The following ITPR1 variants were observed in gnomAD, a reference collection of about 807,000 sequenced individuals.
The protein encoded by ITPR1 is inositol 1,4,5-trisphosphate receptor type 1.
Under a neutral mutation model 318.4 loss-of-function variants are expected in ITPR1, and 96 were observed. The ratio of observed to expected loss-of-function variants is 0.30; its 90% confidence interval spans 0.26 to 0.36. The LOEUF (loss-of-function observed/expected upper bound fraction) is 0.36. ITPR1 is among the 10% of genes least tolerant of loss of function. ITPR1 has a pLI of 1.00. For synonymous variants in ITPR1, 1,312 were observed against 1,289.9 expected (o/e 1.02, Z -0.37); for missense variants, 2,440 against 3,460.2 (o/e 0.71, Z 7.40).
chr3:4,787,337 C>CAAAAAAAA (rs71053443), intron 51 of ITPR1, among the ~76,000 whole-genome samples: 20 of 51,346 alleles, frequency 3.9e-4, no homozygotes, highest in Non-Finnish European at 4.5e-4. Flanking sequence ...GACTCCATCT[C>CAAAAAAAA]AAAAAAAAAA....
At chr3:4,733,435 A>G (rs775927026) in intron 43 of ITPR1, among the ~76,000 whole-genome samples, 3 of 152,116 alleles carry the variant, frequency 2.0e-5, no homozygotes, top group Non-Finnish European at 4.4e-5. Context: ...GATGGTGGCT[A>G]AGCCTTTTGC....
intron 20 of ITPR1, among the ~76,000 whole-genome samples, chr3:4,672,774 C>A (rs1051117547): frequency 6.6e-5 from 10 of 152,158 alleles, no homozygotes; most frequent in Non-Finnish European, 1.3e-4. Context: ...GTATAAAACA[C>A]AGCTGAAGGG....
intron 4 of ITPR1, among the ~76,000 whole-genome samples, chr3:4,557,718 C>T (rs2086269487): frequency 6.6e-6 from 1 of 152,084 alleles, no homozygotes; most frequent in African/African-American, 2.4e-5. Flanking sequence ...ATTATTTTTG[C>T]AGATTTTATA....
At chr3:4,830,185 G>A (rs971470610) in intron 60 of ITPR1, among the ~76,000 whole-genome samples, 4 of 151,528 alleles carry the variant, frequency 2.6e-5, no homozygotes, top group South Asian at 2.1e-4. Context: ...TATGTTGGCC[G>A]GGTTGGTCTC....
intron 4 of ITPR1, among the ~76,000 whole-genome samples, chr3:4,602,733 C>T (rs773099102): frequency 6.6e-6 from 1 of 152,046 alleles, no homozygotes; most frequent in Non-Finnish European, 1.5e-5. Flanking sequence ...TTGCAAACCT[C>T]GTGCTAAGTG....
At position 4,663,159 on chromosome 3, in the gene ITPR1, A is replaced by G. The variant is rs1336205408; in HGVS notation, c.1507A>G (p.Asn503Asp). The G allele has an allele frequency of 1.2e-6, 2 of 1,613,794 alleles. No homozygotes were observed. The highest frequency in any genetic ancestry group is 1.7e-5 in the Admixed American group (1 of 60,006). ...TCTCGAAGTTGTCTTCTCCAAGCCC[A>G]ACAGAGAACGGCAGAAACTGATGAG... ...DVLEVVFSKP[N>D]RERQKLMREQ... The change falls in exon 16 of 62, where the codon AAC becomes GAC. Residue 503 changes from asparagine to aspartate, a missense_variant. By Grantham distance (23) the Asn-to-Asp change is conservative. Coordinates refer to ENST00000649015, the MANE Select transcript of ITPR1 (RefSeq NM_001378452.1).
intron 44 of ITPR1, among the ~76,000 whole-genome samples, chr3:4,744,851 C>T (rs1352789365): frequency 1.3e-5 from 2 of 152,102 alleles, no homozygotes; most frequent in Non-Finnish European, 2.9e-5. Flanking sequence ...TTCAGGGAAA[C>T]AGGCTGGGGC....
chr3:4,725,936 A>G (rs1253108422), intron 41 of ITPR1, among the ~76,000 whole-genome samples: 1 of 152,232 alleles, frequency 6.6e-6, no homozygotes, highest in Non-Finnish European at 1.5e-5. Flanking sequence ...TGCAGAGATG[A>G]TGCACTTTTG....
At chr3:4,666,270 G>A (rs554561760) in intron 17 of ITPR1, among the ~76,000 whole-genome samples, 8 of 152,222 alleles carry the variant, frequency 5.3e-5, no homozygotes, top group Admixed American at 4.6e-4. Context: ...AAAGGTTTTT[G>A]TCATGTCATC....
At chr3:4,549,231 A>G (rs961259668) in intron 4 of ITPR1, among the ~76,000 whole-genome samples, 3 of 152,348 alleles carry the variant, frequency 2.0e-5, no homozygotes, top group East Asian at 3.9e-4. Flanking sequence ...AGACAAATGC[A>G]CTGACAGGGG....
intron 4 of ITPR1, among the ~76,000 whole-genome samples, chr3:4,572,364 G>A (rs1430087350): frequency 6.6e-6 from 1 of 151,816 alleles, no homozygotes; most frequent in African/African-American, 2.4e-5. Context: ...TTTAAATGTC[G>A]GAATCAAATC....
At chr3:4,788,792 T>C (rs1380706118) in intron 52 of ITPR1, among the ~76,000 whole-genome samples, 1 of 152,190 alleles carries the variant, frequency 6.6e-6, no homozygotes, top group East Asian at 1.9e-4. Context: ...GCACTGGCTG[T>C]TGAGACCAAC....
At chr3:4,686,507 T>A (rs2094397333) in intron 30 of ITPR1, among the ~76,000 whole-genome samples, 1 of 152,214 alleles carries the variant, frequency 6.6e-6, no homozygotes, top group African/African-American at 2.4e-5. Flanking sequence ...CATAGTGTTG[T>A]CTCATAATAT....
chr3:4,517,835 CT>C (rs1183315588), intron 3 of ITPR1, among the ~76,000 whole-genome samples: 1 of 152,174 alleles, frequency 6.6e-6, no homozygotes, highest in Non-Finnish European at 1.5e-5. Flanking sequence ...ATGGTTGACT[CT>C]TTTACCCTCT....
chr3:4,623,945 G>A (rs777482868), intron 4 of ITPR1, among the ~76,000 whole-genome samples: 2 of 152,196 alleles, frequency 1.3e-5, no homozygotes, highest in Non-Finnish European at 2.9e-5. Flanking sequence ...TTGGATTGAT[G>A]TTATTTAAAT....
At chr3:4,705,643 C>G (rs1025587852) in intron 36 of ITPR1, among the ~76,000 whole-genome samples, 2 of 152,168 alleles carry the variant, frequency 1.3e-5, no homozygotes, top group African/African-American at 4.8e-5. Context: ...ATGTTTGTCT[C>G]ATGCTTAGAC....
chr3:4,520,588 A>T (rs943739338), intron 3 of ITPR1, among the ~76,000 whole-genome samples: 2 of 151,756 alleles, frequency 1.3e-5, no homozygotes, highest in African/African-American at 4.8e-5. Context: ...CAGCCCTTAG[A>T]TTATATTCTC....
At chr3:4,567,562 G>T (rs13087672) in intron 4 of ITPR1, among the ~76,000 whole-genome samples, 1 of 151,796 alleles carries the variant, frequency 6.6e-6, no homozygotes. Flanking sequence ...GGGCTGAGGT[G>T]GGTCATGGAG....
intron 13 of ITPR1, among the ~76,000 whole-genome samples, chr3:4,659,393 T>C (rs1229759147): frequency 6.6e-6 from 1 of 152,208 alleles, no homozygotes; most frequent in African/African-American, 2.4e-5. Flanking sequence ...ATAATTGTTG[T>C]AATCAGGCCG....
Sources: allele counts gnomAD v4.1 joint callset (sites outside exome capture counted in the v4.1 genomes callset), GRCh38; gene constraint gnomAD v4.1.1; transcripts MANE v1.5; gene names NCBI Gene and HGNC (gene_info 2026-07-23, HGNC 2026-07-21).